Variants in MACROD2 observed in about 807,000 individuals in gnomAD.
MACROD2 encodes the protein mono-ADP ribosylhydrolase 2, also known as ADP-ribose glycohydrolase MACROD2.
In MACROD2, 36 loss-of-function variants were observed where a neutral mutation model predicts 70.4. The observed-to-expected ratio is 0.51, with a 90% CI of 0.39 to 0.68. The LOEUF (loss-of-function observed/expected upper bound fraction) is 0.68, where lower values mean the gene tolerates loss of function less well. MACROD2 is among the 30% of genes least tolerant of loss of function. The pLI is 0.00. For missense variants in MACROD2, 496 were observed against 538.4 expected (o/e 0.92, Z 0.78); for synonymous variants, 172 against 178.8 (o/e 0.96, Z 0.30).
At chr20:14,462,795 C>T (rs1297297500) in intron 3 of MACROD2, among the ~76,000 whole-genome samples, 8 of 152,016 alleles carry the variant, frequency 5.3e-5, no homozygotes, top group Admixed American at 5.2e-4. Flanking sequence ...ACAGGGAATC[C>T]TTTCCCCATT....
intron 8 of MACROD2, among the ~76,000 whole-genome samples, chr20:15,603,181 C>G (rs1036206950): frequency 1.3e-4 from 19 of 151,926 alleles, no homozygotes; most frequent in Non-Finnish European, 2.6e-4. Context: ...TTCTTTGATT[C>G]ATATTCAGAA....
intron 13 of MACROD2, among the ~76,000 whole-genome samples, chr20:15,970,813 C>T (rs12624883): frequency 6.6e-6 from 1 of 152,094 alleles, no homozygotes; most frequent in Non-Finnish European, 1.5e-5. Context: ...AGAAGAAGTG[C>T]CTGTTCCCAC....
At chr20:14,086,182 A>G in intron 3 of MACROD2, 1 of 373,772 alleles carries the variant, frequency 2.7e-6, no homozygotes, top group South Asian at 2.2e-5. Context: ...TCAAAACTTA[A>G]GTTGTTAGGG....
intron 5 of MACROD2, among the ~76,000 whole-genome samples, chr20:15,191,589 A>G (rs2076570812): frequency 6.6e-6 from 1 of 152,222 alleles, no homozygotes; most frequent in African/African-American, 2.4e-5. Context: ...AAAAGGGGTC[A>G]GAGCAGCCAC....
chr20:14,410,901 C>T (rs780241477), intron 3 of MACROD2, among the ~76,000 whole-genome samples: 1 of 152,106 alleles, frequency 6.6e-6, no homozygotes, highest in Non-Finnish European at 1.5e-5. Context: ...CTGGTAGAGA[C>T]CAACCTGAGC....
intron 5 of MACROD2, among the ~76,000 whole-genome samples, chr20:15,200,184 A>C (rs893837040): frequency 6.6e-6 from 1 of 152,170 alleles, no homozygotes; most frequent in Non-Finnish European, 1.5e-5. Context: ...AGAAGAAAAA[A>C]ACTGGAGTAA....
At chr20:14,527,055 G>A (rs2085242151) in intron 4 of MACROD2, among the ~76,000 whole-genome samples, 1 of 152,252 alleles carries the variant, frequency 6.6e-6, no homozygotes, top group Non-Finnish European at 1.5e-5. Context: ...CCAGAAGGGA[G>A]ATGGTTTTCC....
intron 3 of MACROD2, among the ~76,000 whole-genome samples, chr20:14,236,693 A>G (rs370449414): frequency 1.9e-4 from 29 of 152,248 alleles, no homozygotes; most frequent in African/African-American, 6.5e-4. Context: ...CTCTCTTTTC[A>G]GAGGCTACTG....
chr20:15,356,412 T>G (rs923721510), intron 6 of MACROD2, among the ~76,000 whole-genome samples: 45 of 152,304 alleles, frequency 3.0e-4, no homozygotes, highest in Non-Finnish European at 1.2e-4. Context: ...ATCTCTCCAG[T>G]ATAAAAGTTG....
chr20:14,100,778 T>C (rs1481996536), intron 3 of MACROD2, among the ~76,000 whole-genome samples: 2 of 139,368 alleles, frequency 1.4e-5, no homozygotes, highest in African/African-American at 2.7e-5. Flanking sequence ...CTATAATATA[T>C]ATTACATATT....
At chr20:14,205,747 A>G (rs1443116668) in intron 3 of MACROD2, among the ~76,000 whole-genome samples, 1 of 152,176 alleles carries the variant, frequency 6.6e-6, no homozygotes, top group Non-Finnish European at 1.5e-5. Flanking sequence ...TTGTCTTTGC[A>G]GGAAGTGGAG....
chr20:14,366,790 T>A (rs1233527682), intron 3 of MACROD2, among the ~76,000 whole-genome samples: 2 of 152,212 alleles, frequency 1.3e-5, no homozygotes, highest in Non-Finnish European at 2.9e-5. Context: ...TGTCTTTGGA[T>A]CTAAAATGAG....
intron 10 of MACROD2, among the ~76,000 whole-genome samples, chr20:15,929,065 A>C (rs866910944): frequency 5.9e-5 from 9 of 152,190 alleles, no homozygotes; most frequent in Admixed American, 1.3e-4. Context: ...AGTCCCCTAC[A>C]ACAAAAATAT....
intron 6 of MACROD2, among the ~76,000 whole-genome samples, chr20:15,260,297 C>T (rs2077237348): frequency 6.6e-6 from 1 of 151,254 alleles, no homozygotes; most frequent in Admixed American, 6.6e-5. Context: ...CACTTCCTTT[C>T]ATAGCTTCTG....
chr20:14,516,987 G>C (rs2123165001), intron 4 of MACROD2, among the ~76,000 whole-genome samples: 1 of 152,310 alleles, frequency 6.6e-6, no homozygotes, highest in East Asian at 1.9e-4. Flanking sequence ...ATCACAGTGG[G>C]ATACCATCTC....
chr20:15,459,820 T>TG (rs1479302408), intron 7 of MACROD2, among the ~76,000 whole-genome samples: 1 of 152,124 alleles, frequency 6.6e-6, no homozygotes, highest in Non-Finnish European at 1.5e-5. Flanking sequence ...GTCCTTGTTT[T>TG]TTTTTTCTGT....
At chr20:14,778,999 C>T (rs1053082157) in intron 5 of MACROD2, among the ~76,000 whole-genome samples, 2 of 152,028 alleles carry the variant, frequency 1.3e-5, no homozygotes, top group Non-Finnish European at 2.9e-5. Context: ...ATTGTAATCT[C>T]ACAGATGAGT....
chr20:14,102,642 T>C (rs555234895), intron 3 of MACROD2, among the ~76,000 whole-genome samples: 1 of 152,200 alleles, frequency 6.6e-6, no homozygotes, highest in Non-Finnish European at 1.5e-5. Context: ...TCCTCTGCTA[T>C]GCCAGAAATT....
intron 5 of MACROD2, among the ~76,000 whole-genome samples, chr20:15,177,651 T>C (rs1237122797): frequency 1.3e-5 from 2 of 152,238 alleles, no homozygotes; most frequent in Non-Finnish European, 2.9e-5. Context: ...ATGAATGTGA[T>C]GTTTGCTGGT....
Sources: allele counts gnomAD v4.1 joint callset (sites outside exome capture counted in the v4.1 genomes callset), GRCh38; gene constraint gnomAD v4.1.1; transcripts MANE v1.5; gene names NCBI Gene and HGNC (gene_info 2026-07-23, HGNC 2026-07-21).